Variants in CNTN4 observed in about 807,000 individuals in gnomAD.
CNTN4 encodes contactin 4, also known as contactin-4.
CNTN4 carries 77 observed loss-of-function variants against 122.5 expected under a neutral mutation model. That is an observed-to-expected ratio of 0.63 (90% confidence interval 0.52 to 0.76). The LOEUF (loss-of-function observed/expected upper bound fraction) is 0.76, where lower values mean the gene tolerates loss of function less well. Among genes scored for constraint, CNTN4 ranks in the 30% least tolerant of loss-of-function variants. The probability of loss-of-function intolerance (pLI) is 0.00; values close to 1 mark genes in which losing one functional copy is unlikely to be tolerated. For synonymous variants in CNTN4, 512 were observed against 447.0 expected, an observed-to-expected ratio of 1.15 and a Z score of -1.83; for missense variants, 1,256 against 1,259.1, an observed-to-expected ratio of 1.00 and a Z score of 0.04.
chr3:2,635,540 T>A (rs560012271), intron 4 of CNTN4, among the ~76,000 whole-genome samples: 1 of 152,212 alleles, frequency 6.6e-6, no homozygotes, highest in African/African-American at 2.4e-5. Context: ...CAATTTTCTG[T>A]TCCTTTGTCT....
intron 2 of CNTN4, among the ~76,000 whole-genome samples, chr3:2,149,050 T>C (rs576476154): frequency 7.9e-5 from 12 of 152,190 alleles, no homozygotes; most frequent in Admixed American, 3.9e-4. Context: ...CTTTCTTTAA[T>C]TGTATCGAGT....
intron 4 of CNTN4, among the ~76,000 whole-genome samples, chr3:2,591,399 C>G (rs1243229244): frequency 2.3e-5 from 1 of 42,874 alleles, no homozygotes; most frequent in African/African-American, 8.8e-5. Flanking sequence ...GAGTCTCGCT[C>G]TGTCGCCCAG....
At chr3:2,480,510 C>T (rs566830814) in intron 3 of CNTN4, among the ~76,000 whole-genome samples, 1 of 152,046 alleles carries the variant, frequency 6.6e-6, no homozygotes, top group Non-Finnish European at 1.5e-5. Flanking sequence ...AAACATAATA[C>T]CATTTATGTT....
At chr3:2,645,284 C>T (rs1284130310) in intron 4 of CNTN4, among the ~76,000 whole-genome samples, 1 of 152,036 alleles carries the variant, frequency 6.6e-6, no homozygotes, top group Non-Finnish European at 1.5e-5. Flanking sequence ...TATTGTACAT[C>T]AGGAGTATAA....
At chr3:2,276,770 G>T (rs1028100030) in intron 2 of CNTN4, among the ~76,000 whole-genome samples, 1 of 152,164 alleles carries the variant, frequency 6.6e-6, no homozygotes, top group Non-Finnish European at 1.5e-5. Flanking sequence ...ACAAAAATTA[G>T]ATGGGCGTGG....
At chr3:2,374,211 G>T (rs993838021) in intron 3 of CNTN4, among the ~76,000 whole-genome samples, 1 of 152,146 alleles carries the variant, frequency 6.6e-6, no homozygotes, top group Admixed American at 6.5e-5. Context: ...ATTGTGGAAT[G>T]AATTGGCTTG....
intron 12 of CNTN4, among the ~76,000 whole-genome samples, chr3:2,916,818 G>A (rs538371458): frequency 1.3e-5 from 2 of 150,970 alleles, no homozygotes; most frequent in East Asian, 3.9e-4. Flanking sequence ...GGGCCGCCGG[G>A]TGGAGACGCT....
rs1348108696 is a variant in CNTN4 at position 2,778,142 on chromosome 3, A to G, written c.358+32445A>G. Among the ~76,000 whole-genome samples, 15 of 139,620 alleles carry G rather than the reference A, an allele frequency of 1.1e-4. 2 individuals are homozygous for G. The highest frequency in any genetic ancestry group is 1.4e-4 in the African/African-American group (5 of 36,382). The allele number at this position is 139,620 out of a possible 152,430, so 91.6% of individuals were successfully genotyped here. A position where few individuals can be genotyped will look rare whatever the true frequency, so the allele number is the denominator to read the frequency against. On this transcript the variant is annotated intron_variant, in intron 6 of 24. Transcript: ENST00000418658. ...GGCAGGAGAATGGCGGGAACCCAGG[A>G]AGCGGAGCTTGTGGTGAGCCGAGAT...
At chr3:2,807,062 G>A (rs1376251061) in intron 6 of CNTN4, among the ~76,000 whole-genome samples, 2 of 152,082 alleles carry the variant, frequency 1.3e-5, no homozygotes, top group Non-Finnish European at 2.9e-5. Context: ...GCTTTGTTTT[G>A]TTTTGTCAGT....
intron 2 of CNTN4, among the ~76,000 whole-genome samples, chr3:2,267,767 A>G (rs573676478): frequency 6.6e-6 from 1 of 152,110 alleles, no homozygotes. Flanking sequence ...TCTTATGTAC[A>G]TTGAAAAAAT....
chr3:3,035,531 A>G (rs1419981646), intron 17 of CNTN4, among the ~76,000 whole-genome samples: 1 of 152,110 alleles, frequency 6.6e-6, no homozygotes, highest in Non-Finnish European at 1.5e-5. Context: ...AAAACCAATA[A>G]CAGAGGATTA....
At chr3:2,752,795 C>G (rs1169665012) in intron 6 of CNTN4, among the ~76,000 whole-genome samples, 2 of 152,184 alleles carry the variant, frequency 1.3e-5, no homozygotes, top group Non-Finnish European at 2.9e-5. Context: ...TACCACTCTT[C>G]TACTGTCTAC....
chr3:2,572,341 G>A (rs11710401), intron 4 of CNTN4, among the ~76,000 whole-genome samples: 19,423 of 152,168 alleles, frequency 0.13, 1,613 homozygotes, highest in Non-Finnish European at 0.18. Context: ...AGCCGAGATC[G>A]CGCCATTGCA....
At chr3:2,426,579 C>T (rs1454404572) in intron 3 of CNTN4, among the ~76,000 whole-genome samples, 1 of 152,082 alleles carries the variant, frequency 6.6e-6, no homozygotes, top group Non-Finnish European at 1.5e-5. Context: ...ATGATGCTGG[C>T]CTCATAAAAT....
At chr3:2,367,684 C>G (rs796466527) in intron 3 of CNTN4, among the ~76,000 whole-genome samples, 6 of 152,244 alleles carry the variant, frequency 3.9e-5, no homozygotes, top group African/African-American at 1.4e-4. Flanking sequence ...GGGGTTTCAC[C>G]ATGTTGACCA....
chr3:2,331,977 C>A (rs370611322), intron 2 of CNTN4, among the ~76,000 whole-genome samples: 24 of 152,170 alleles, frequency 1.6e-4, no homozygotes, highest in African/African-American at 5.5e-4. Flanking sequence ...ACTGGCCTTT[C>A]TCCGTGGTAA....
chr3:2,945,730 A>G (rs2094669937), intron 13 of CNTN4, among the ~76,000 whole-genome samples: 1 of 152,206 alleles, frequency 6.6e-6, no homozygotes, highest in Non-Finnish European at 1.5e-5. Flanking sequence ...CAAGAGGGTC[A>G]GTGTCTTTTC....
chr3:3,044,028 G>A (rs1342007756), intron 23 of CNTN4, among the ~76,000 whole-genome samples: 7 of 151,762 alleles, frequency 4.6e-5, no homozygotes, highest in African/African-American at 1.7e-4. Flanking sequence ...CTCCTGTCTC[G>A]GTTTATATAT....
At chr3:2,795,121 T>C (rs1488899426) in intron 6 of CNTN4, among the ~76,000 whole-genome samples, 1 of 152,254 alleles carries the variant, frequency 6.6e-6, no homozygotes, top group East Asian at 1.9e-4. Context: ...AGTTTTATTA[T>C]GGTCTGATAG....
Sources: allele counts gnomAD v4.1 joint callset (sites outside exome capture counted in the v4.1 genomes callset), GRCh38; gene constraint gnomAD v4.1.1; transcripts MANE v1.5; gene names NCBI Gene and HGNC (gene_info 2026-07-23, HGNC 2026-07-21).